The following UNC13C variants were observed in gnomAD, a reference collection of about 807,000 sequenced individuals.
UNC13C encodes protein unc-13 homolog C.
Under a neutral mutation model 245.4 loss-of-function variants are expected in UNC13C, and 174 were observed. The observed-to-expected ratio is 0.71, with a 90% CI of 0.63 to 0.80. UNC13C has a LOEUF of 0.80. UNC13C is among the 30% of genes least tolerant of loss of function. UNC13C has a pLI of 0.00. For missense variants in UNC13C, 2,829 were observed against 2,602.9 expected (o/e 1.09, Z -1.89); for synonymous variants, 992 against 895.1 (o/e 1.11, Z -1.93).
rs777486875 is a variant in UNC13C, at chr15:54,098,332, G to A, written c.2984-44686G>A. On this transcript the variant is annotated intron_variant, in intron 2 of 32. Coordinates refer to ENST00000260323, the MANE Select transcript of UNC13C (RefSeq NM_001080534.3). Reference sequence around the variant, plus strand: ...TGGGATTACAGGCAAGTGCCACCACGCCTGGCTAATTTTTGTATTTTTAGT... The same window carrying A: ...TGGGATTACAGGCAAGTGCCACCACACCTGGCTAATTTTTGTATTTTTAGT... Among the ~76,000 whole-genome samples, 257 of 152,110 alleles carry A rather than the reference G, an allele frequency of 1.7e-3. 1 individual carries two copies. Among genetic ancestry groups the A allele is most frequent in the African/African-American group, 5.3e-3 (218 of 41,478 alleles).
intron 4 of UNC13C, among the ~76,000 whole-genome samples, chr15:54,170,962 T>TATTC (rs1371077863): frequency 6.6e-6 from 1 of 152,150 alleles, no homozygotes; most frequent in East Asian, 1.9e-4. Context: ...ACAAAAGGAC[T>TATTC]ATTCACAAAG....
At chr15:54,630,076 G>C (rs1205087027), downstream of UNC13C, 1 of 152,178 alleles carries the variant, frequency 6.6e-6, no homozygotes, top group African/African-American at 2.4e-5. Context: ...GCACTAATGT[G>C]TGTAGCAATT....
At chr15:54,490,665 T>A (rs572763621) in intron 19 of UNC13C, among the ~76,000 whole-genome samples, 41 of 152,096 alleles carry the variant, frequency 2.7e-4, no homozygotes, top group African/African-American at 9.4e-4. Flanking sequence ...AAACTTTTTT[T>A]TTTTTTTAAT....
At chr15:54,558,587 A>C (rs561781338) in intron 29 of UNC13C, among the ~76,000 whole-genome samples, 1 of 152,080 alleles carries the variant, frequency 6.6e-6, no homozygotes, top group Non-Finnish European at 1.5e-5. Context: ...GAAAATATTA[A>C]CTTTTCTAAA....
chr15:54,448,842 G>A (rs1451668147), intron 19 of UNC13C, among the ~76,000 whole-genome samples: 4 of 152,220 alleles, frequency 2.6e-5, no homozygotes, highest in South Asian at 2.1e-4. Context: ...TATTTTGCTT[G>A]TTAGTTGATG....
intron 2 of UNC13C, among the ~76,000 whole-genome samples, chr15:54,055,127 T>A (rs8024845): frequency 6.6e-6 from 1 of 151,998 alleles, no homozygotes; most frequent in South Asian, 2.1e-4. Context: ...GCAAATTGAT[T>A]AGATAAAACT....
chr15:54,340,268 T>G (rs1024917989), intron 17 of UNC13C, among the ~76,000 whole-genome samples: 1 of 152,232 alleles, frequency 6.6e-6, no homozygotes, highest in African/African-American at 2.4e-5. Flanking sequence ...CCTTTTGCTG[T>G]GCAGAAGCTC....
At chr15:53,875,895 C>T in the UNC13C span, among the ~76,000 whole-genome samples, 1 of 152,148 alleles carries the variant, frequency 6.6e-6, no homozygotes, top group African/African-American at 2.4e-5. Flanking sequence ...GTTTGACTGA[C>T]ACTGAAGTGT....
the UNC13C span, among the ~76,000 whole-genome samples, chr15:53,956,921 T>A: frequency 1.3e-4 from 18 of 135,730 alleles, no homozygotes; most frequent in Admixed American, 4.5e-4. Context: ...CACACATCCA[T>A]GTGTGTAAAA....
intron 26 of UNC13C, among the ~76,000 whole-genome samples, chr15:54,535,420 A>C (rs544387607): frequency 1.3e-5 from 2 of 151,936 alleles, no homozygotes; most frequent in Non-Finnish European, 2.9e-5. Flanking sequence ...TAATATCACC[A>C]TCCCACTGAG....
At chr15:53,919,065 T>C in the UNC13C span, among the ~76,000 whole-genome samples, 1 of 152,234 alleles carries the variant, frequency 6.6e-6, no homozygotes, top group Non-Finnish European at 1.5e-5. Context: ...AATTATTTCC[T>C]AACTCGCCAA....
chr15:54,486,250 A>AACACACACACACACACACACAC (rs59221050), intron 19 of UNC13C, among the ~76,000 whole-genome samples: 22 of 131,996 alleles, frequency 1.7e-4, no homozygotes, highest in East Asian at 4.6e-4. Flanking sequence ...GATCTATTAA[A>AACACACACACACACACACACAC]ACACACACAC....
chr15:54,278,145 C>T (rs55864624), intron 10 of UNC13C, among the ~76,000 whole-genome samples: 3,767 of 152,188 alleles, frequency 0.025, 84 homozygotes, highest in East Asian at 0.074. Flanking sequence ...GACTATTTTG[C>T]CTAGTTTTTG....
intron 24 of UNC13C, among the ~76,000 whole-genome samples, chr15:54,512,856 A>G (rs1192731310): frequency 6.6e-6 from 1 of 152,142 alleles, no homozygotes; most frequent in East Asian, 1.9e-4. Flanking sequence ...TTTGCTTTTA[A>G]CCCCAAGGAG....
chr15:54,611,227 G>T (rs1900075054), intron 30 of UNC13C, among the ~76,000 whole-genome samples: 1 of 152,130 alleles, frequency 6.6e-6, no homozygotes, highest in Admixed American at 6.5e-5. Flanking sequence ...ATTGCTGAGT[G>T]TGATAAGAGG....
At chr15:54,326,275 G>A (rs1000028483) in intron 14 of UNC13C, among the ~76,000 whole-genome samples, 2 of 152,040 alleles carry the variant, frequency 1.3e-5, no homozygotes, top group Non-Finnish European at 2.9e-5. Flanking sequence ...CAGAGGGGAA[G>A]GGGGTTGGTA....
At chr15:54,353,649 A>G (rs1296624825) in intron 17 of UNC13C, among the ~76,000 whole-genome samples, 2 of 152,138 alleles carry the variant, frequency 1.3e-5, no homozygotes, top group African/African-American at 4.8e-5. Flanking sequence ...TACTTAACCT[A>G]TCAGAAACAT....
At chr15:53,877,606 G>C in the UNC13C span, among the ~76,000 whole-genome samples, 2 of 152,152 alleles carry the variant, frequency 1.3e-5, no homozygotes, top group Non-Finnish European at 2.9e-5. Flanking sequence ...TAGGGAGGAG[G>C]AGGAGGGGTG....
chr15:54,205,438 T>C (rs1028739704), intron 4 of UNC13C, among the ~76,000 whole-genome samples: 2 of 152,050 alleles, frequency 1.3e-5, no homozygotes, highest in African/African-American at 2.4e-5. Context: ...AGGTTCTTAT[T>C]GTTCAAAAGT....
Sources: allele counts gnomAD v4.1 joint callset (sites outside exome capture counted in the v4.1 genomes callset), GRCh38; gene constraint gnomAD v4.1.1; transcripts MANE v1.5; gene names NCBI Gene and HGNC (gene_info 2026-07-23, HGNC 2026-07-21).